Variants in PCDHGA10 observed in about 807,000 individuals in gnomAD.
PCDHGA10 encodes protocadherin gamma-A10.
In PCDHGA10, 42 loss-of-function variants were observed where a neutral mutation model predicts 59.5. The ratio of observed to expected loss-of-function variants is 0.71; its 90% CI spans 0.55 to 0.91. PCDHGA10 has a LOEUF of 0.91. Among genes scored for constraint, PCDHGA10 ranks in the 40% least tolerant of loss-of-function variants. The pLI, the probability that PCDHGA10 is intolerant of heterozygous loss-of-function variation, is 0.00. For missense variants in PCDHGA10, 1,111 were observed against 1,198.2 expected, an observed-to-expected ratio of 0.93 and a Z score of 1.07; for synonymous variants, 511 against 517.2, an observed-to-expected ratio of 0.99 and a Z score of 0.16.
chr5:141,480,021 C>G (rs1415230863), intron 1 of PCDHGA10, among the ~76,000 whole-genome samples: 1 of 152,208 alleles, frequency 6.6e-6, no homozygotes, highest in Non-Finnish European at 1.5e-5. Context: ...AATCTCCTTT[C>G]TAAGCCTCTT....
intron 1 of PCDHGA10, among the ~76,000 whole-genome samples, chr5:141,457,984 A>G (rs1210742359): frequency 2.0e-5 from 3 of 152,226 alleles, no homozygotes; most frequent in Non-Finnish European, 1.5e-5. Context: ...ACACCCTTTC[A>G]GTTAAAGCCT....
chr5:141,450,450 C>T (rs964666176), intron 1 of PCDHGA10, among the ~76,000 whole-genome samples: 5 of 151,996 alleles, frequency 3.3e-5, no homozygotes, highest in African/African-American at 9.7e-5. Context: ...TTTTATGTTT[C>T]CTCGTGATTT....
At chr5:141,421,789 G>A (rs756677817) in intron 1 of PCDHGA10, 5 of 1,613,830 alleles carry the variant, frequency 3.1e-6, no homozygotes, top group East Asian at 2.2e-5. Context: ...GGGCAGAACG[G>A]ATGGGGCCAA....
intron 2 of PCDHGA10, among the ~76,000 whole-genome samples, chr5:141,503,388 A>C (rs1456500896): frequency 6.6e-6 from 1 of 152,004 alleles, no homozygotes; most frequent in East Asian, 1.9e-4. Flanking sequence ...TGAGGTCAGG[A>C]GTTCGAAACC....
At chr5:141,415,653 G>T in intron 1 of PCDHGA10, 42 bp downstream of exon 1, 1 of 1,539,362 alleles carries the variant, frequency 6.5e-7, no homozygotes, top group Non-Finnish European at 8.8e-7. Context: ...AAAAAAAAAA[G>T]ATTGGTTTTT....
In PCDHGA10 at chr5:141,494,850, G is replaced by C. The variant is rs2099757124; in HGVS notation, c.2480G>C (p.Arg827Thr). 1.2e-6 allele frequency: 2 copies of C among 1,614,124 alleles called. No individual in the cohort carries two copies. The highest frequency in any genetic ancestry group is 1.7e-6 in the Non-Finnish European group (2 of 1,180,018). Reference protein sequence around the residue: ...NTDWRFSQAQRPGTSGSQNGD... With the variant: ...NTDWRFSQAQTPGTSGSQNGD... ...GACTGGCGTTTCTCTCAGGCCCAGA[G>C]ACCCGGCACCAGCGGGTAGGTGACT... is the stretch of plus-strand genomic sequence containing the variant. The change falls in exon 2 of 4, where the codon AGA becomes ACA. Residue 827 changes from arginine to threonine, a missense_variant. Physicochemically the swap from Arg to Thr is moderately conservative, Grantham distance 71. Transcript: ENST00000398610.
At position 141,476,639 on chromosome 5, in the gene PCDHGA10, A is replaced by G; in HGVS notation, c.2437-18168A>G. 1.2e-6 allele frequency: 2 copies of G among 1,614,206 alleles called. No individual in the cohort carries two copies. Among genetic ancestry groups the G allele is most frequent in the Non-Finnish European group, 1.7e-6 (2 of 1,180,038 alleles). On this transcript the variant is annotated intron_variant, in intron 1 of 3. Transcript: ENST00000398610. The surrounding 1 kb of genome is among the most constrained non-coding windows in gnomAD (Gnocchi z 7.6). ...CAACTCTTTACAAACCTATGAGCTG[A>G]GCCGAAATGAATACTTTGCGCTTCG...
chr5:141,501,530 G>T (rs556760554), intron 2 of PCDHGA10, among the ~76,000 whole-genome samples: 1 of 151,998 alleles, frequency 6.6e-6, no homozygotes, highest in East Asian at 1.9e-4. Flanking sequence ...AGCCCAGTAC[G>T]TTGTTGTGCA....
intron 2 of PCDHGA10, among the ~76,000 whole-genome samples, chr5:141,501,506 G>A (rs770097282): frequency 1.3e-5 from 2 of 151,864 alleles, no homozygotes; most frequent in Non-Finnish European, 2.9e-5. Context: ...GGGGCTCCAA[G>A]GCCTCCAAGC....
chr5:141,443,223 A>G (rs2098374731), intron 1 of PCDHGA10, among the ~76,000 whole-genome samples: 1 of 152,044 alleles, frequency 6.6e-6, no homozygotes, highest in African/African-American at 2.4e-5. Flanking sequence ...AGGCGCATCT[A>G]TAATCTTAGC....
Position 141,413,891 on chromosome 5 carries a change from C to G in PCDHGA10, c.716C>G (p.Ala239Gly). 6.2e-7 allele frequency: 1 copy of G among 1,613,382 alleles called. No homozygotes were observed. The highest frequency in any genetic ancestry group is 2.2e-5 in the East Asian group (1 of 44,814). The change falls in exon 1 of 4, where the codon GCA becomes GGA. Residue 239 changes from alanine to glycine, a missense_variant. Physicochemically the swap from Ala to Gly is moderately conservative, Grantham distance 60. Coordinates refer to ENST00000398610, the MANE Select transcript of PCDHGA10 (RefSeq NM_018913.3). The part of the protein sequence containing the change: ...TVLVSVTVFD[A>G]NDNAPVFTLP... ...CTTGTCAGTGTGACTGTCTTCGATG[C>G]AAATGACAACGCGCCGGTCTTCACC...
In PCDHGA10 at chr5:141,413,767, C is replaced by A; in HGVS notation, c.592C>A (p.Leu198Met). The change falls in exon 1 of 4, where the codon CTG (leucine) becomes ATG (methionine). Residue 198 changes from leucine (L) to methionine (M), a missense_variant. Transcript: ENST00000398610. ...TGCCAATGGCGTCAAGTACCCGGAG[C>A]TGGTACTGGAGCACTCCCTAGATCG... ...SRANGVKYPELVLEHSLDREE... is the reference protein window; with the variant it reads ...SRANGVKYPEMVLEHSLDREE... The A allele has an allele frequency of 6.2e-7, 1 of 1,612,972 alleles. No individual in the cohort carries two copies. Among genetic ancestry groups the A allele is most frequent in the South Asian group, 1.1e-5 (1 of 91,064 alleles).
At position 141,485,122 on chromosome 5, in the gene PCDHGA10, G is replaced by A. The variant is rs1000179570; in HGVS notation, c.2437-9685G>A. The A allele has an allele frequency of 1.4e-6, 2 of 1,387,624 alleles. No individual in the cohort carries two copies. The highest frequency in any genetic ancestry group is 1.4e-5 in the African/African-American group (1 of 70,566). 86.0% of individuals were successfully genotyped at this position (1,387,624 alleles called of 1,614,324 possible). A position where few individuals can be genotyped will look rare whatever the true frequency, so the allele number is the denominator to read the frequency against. Reference sequence around the variant, plus strand: ...CAGCTGCTGTGGCTGTTTGGGGCGGGTCGGCTTCATCCGCGTCTCAGGAGC... The same window carrying A: ...CAGCTGCTGTGGCTGTTTGGGGCGGATCGGCTTCATCCGCGTCTCAGGAGC... On this transcript the variant is annotated intron_variant, in intron 1 of 3. Coordinates refer to ENST00000398610, the MANE Select transcript of PCDHGA10 (RefSeq NM_018913.3). The surrounding 1 kb of genome is among the most constrained non-coding windows in gnomAD (Gnocchi z 5.7).
chr5:141,474,703 C>A (rs2099353282), intron 1 of PCDHGA10, among the ~76,000 whole-genome samples: 1 of 152,188 alleles, frequency 6.6e-6, no homozygotes, highest in African/African-American at 2.4e-5. Flanking sequence ...GTTCAAGGTT[C>A]TATTATACTT....
At chr5:141,421,303 G>A (rs1456288695) in intron 1 of PCDHGA10, 1 of 1,613,660 alleles carries the variant, frequency 6.2e-7, no homozygotes, top group Non-Finnish European at 8.5e-7. Flanking sequence ...GACGCTGCGG[G>A]GGTTCCGGGC....
intron 1 of PCDHGA10, among the ~76,000 whole-genome samples, chr5:141,465,505 G>A (rs905617997): frequency 6.6e-6 from 1 of 152,190 alleles, no homozygotes; most frequent in Non-Finnish European, 1.5e-5. Flanking sequence ...CATTGTCGTG[G>A]TCAGGAAGGA....
chr5:141,431,584 G>A lies in PCDHGA10; in HGVS notation c.2436+15973G>A, dbSNP rs201462681. 7 of 1,614,074 alleles carry A rather than the reference G, an allele frequency of 4.3e-6. No homozygotes were observed. The African/African-American group carries it at 9.3e-5, about 22-fold the overall frequency. On this transcript the variant is annotated intron_variant, in intron 1 of 3. Coordinates refer to ENST00000398610, the MANE Select transcript of PCDHGA10 (RefSeq NM_018913.3). The surrounding 1 kb of genome is among the most constrained non-coding windows in gnomAD (Gnocchi z 4.8). ...CCGACCCTGACGAAGGAGTCAATGC[G>A]GAAGTGAGGTATTCCTTCCGGTATG... is the stretch of plus-strand genomic sequence containing the variant.
intron 1 of PCDHGA10, among the ~76,000 whole-genome samples, chr5:141,492,641 G>A (rs2099742804): frequency 6.6e-6 from 1 of 152,226 alleles, no homozygotes; most frequent in African/African-American, 2.4e-5. Flanking sequence ...ACGATCCTTG[G>A]GCCAGAGGTC....
At chr5:141,455,103 C>T (rs1319698016) in intron 1 of PCDHGA10, among the ~76,000 whole-genome samples, 1 of 151,862 alleles carries the variant, frequency 6.6e-6, no homozygotes, top group South Asian at 2.1e-4. Flanking sequence ...TGAGCCACTG[C>T]GCCCGGTGGG....
Sources: allele counts gnomAD v4.1 joint callset (sites outside exome capture counted in the v4.1 genomes callset), GRCh38; gene constraint gnomAD v4.1.1; non-coding constraint Gnocchi (gnomAD v3.1); transcripts MANE v1.5; gene names NCBI Gene and HGNC (gene_info 2026-07-23, HGNC 2026-07-21).